The following SLC6A6 variants were observed in gnomAD, a reference collection of about 807,000 sequenced individuals.
SLC6A6 encodes the protein solute carrier family 6 member 6, also known as sodium- and chloride-dependent taurine transporter.
In SLC6A6, 16 loss-of-function variants were observed where a neutral mutation model predicts 68.8. That is an observed-to-expected ratio of 0.23 (90% CI 0.16 to 0.35). The LOEUF (loss-of-function observed/expected upper bound fraction) is 0.35, where lower values mean the gene tolerates loss of function less well. Among genes scored for constraint, SLC6A6 ranks in the 10% least tolerant of loss-of-function variants. The probability of loss-of-function intolerance (pLI) is 1.00; values close to 1 mark genes in which losing one functional copy is unlikely to be tolerated. For missense variants in SLC6A6, 474 were observed against 802.8 expected, an observed-to-expected ratio of 0.59 and a Z score of 4.95; for synonymous variants, 312 against 315.4, an observed-to-expected ratio of 0.99 and a Z score of 0.12.
At position 14,481,962 on chromosome 3, in the gene SLC6A6, C is replaced by A; in HGVS notation, c.1722+121C>A. On this transcript the variant is annotated intron_variant, in intron 14 of 14. Transcript: ENST00000622186. The surrounding 1 kb of genome is among the most constrained non-coding windows in gnomAD (Gnocchi z 4.7). The stretch of plus-strand genomic sequence containing the variant: ...CCTCTCTGAGCCATAGTTCCCTCAC[C>A]CATCCAGTGGTTCAGCTTATGGGCA... The A allele has an allele frequency of 1.3e-6, 1 of 771,266 alleles. No individual in the cohort carries two copies. Among genetic ancestry groups the A allele is most frequent in the Non-Finnish European group, 2.1e-6 (1 of 473,704 alleles). 47.8% of individuals were successfully genotyped at this position (771,266 alleles called of 1,614,324 possible). A position where few individuals can be genotyped will look rare whatever the true frequency, so the allele number is the denominator to read the frequency against.
rs193136579 is a variant in SLC6A6, at chr3:14,431,209, A to T, written c.-11-12415A>T. 1.3e-3 allele frequency among the ~76,000 whole-genome samples: 196 copies of T among 152,302 alleles called. 1 individual carries two copies. The highest frequency in any genetic ancestry group is 2.1e-3 in the Non-Finnish European group (140 of 68,024). On this transcript the variant is annotated intron_variant, in intron 2 of 14. Coordinates refer to ENST00000622186, the MANE Select transcript of SLC6A6 (RefSeq NM_003043.6). Reference sequence around the variant, plus strand: ...CCTGGTCCACCCTTCCCCACTGTCCACATACCCCAGCATCTGTCATTGCAG... The same window carrying T: ...CCTGGTCCACCCTTCCCCACTGTCCTCATACCCCAGCATCTGTCATTGCAG...
At chr3:14,462,872 G>A (rs1700527978) in intron 6 of SLC6A6, among the ~76,000 whole-genome samples, 1 of 152,102 alleles carries the variant, frequency 6.6e-6, no homozygotes, top group Admixed American at 6.5e-5. Flanking sequence ...TAGATGTGTG[G>A]GTGGATGGCT....
chr3:14,453,975 G>A (rs1189038103), intron 5 of SLC6A6, among the ~76,000 whole-genome samples: 2 of 152,202 alleles, frequency 1.3e-5, no homozygotes, highest in East Asian at 3.9e-4. Flanking sequence ...GGGGGATGAG[G>A]GTAGGGCTTG....
Position 14,467,870 on chromosome 3 carries a change from G to A in SLC6A6, c.885G>A (p.Gly295=), listed in dbSNP as rs754742935. ...CCTCATAGGTGTGGATTGACGCTGGGACTCAGATATTCTTCTCTTATGCCA... is the reference window on the plus strand; with the variant it reads ...CCTCATAGGTGTGGATTGACGCTGGAACTCAGATATTCTTCTCTTATGCCA... ...LEDPQVWIDA[G]TQIFFSYAIC... is the part of the protein sequence containing the mutation. Residue 295 remains glycine, a synonymous_variant, in exon 8 of 15, where the codon GGG becomes GGA. Coordinates refer to ENST00000622186, the MANE Select transcript of SLC6A6 (RefSeq NM_003043.6). 8.1e-6 allele frequency: 13 copies of A among 1,612,092 alleles called. No individual in the cohort carries two copies. In the South Asian group the frequency reaches 1.4e-4, roughly 18 times the overall value.
At chr3:14,405,814 G>T (rs894191042) in intron 1 of SLC6A6, among the ~76,000 whole-genome samples, 1 of 152,206 alleles carries the variant, frequency 6.6e-6, no homozygotes, top group African/African-American at 2.4e-5. Flanking sequence ...CTCTGGGCTG[G>T]CACTGGGTTC....
chr3:14,423,269 G>A (rs1287925829), intron 2 of SLC6A6, among the ~76,000 whole-genome samples: 1 of 152,220 alleles, frequency 6.6e-6, no homozygotes, highest in Admixed American at 6.5e-5. Flanking sequence ...AGGGGAGGGA[G>A]CCCTGCTGTG....
chr3:14,450,762 A>G lies in SLC6A6; in HGVS notation c.599+2946A>G, dbSNP rs573353066. On this transcript the variant is annotated intron_variant, in intron 5 of 14. Coordinates refer to ENST00000622186, the MANE Select transcript of SLC6A6 (RefSeq NM_003043.6). This position sits in a 1 kb window ranked among gnomAD's most constrained non-coding sequence, Gnocchi z 4.1. ...CTGAGCCAGGTGCCGTGGGCAAGAA[A>G]GACCCGGCCTCCTGCCTTCAAGAGC... 6.6e-6 allele frequency among the ~76,000 whole-genome samples: 1 copy of G among 152,362 alleles called. No individual in the cohort carries two copies. The highest frequency in any genetic ancestry group is 2.4e-5 in the African/African-American group (1 of 41,588).
chr3:14,413,109 G>T (rs1699286207), intron 1 of SLC6A6, among the ~76,000 whole-genome samples: 1 of 152,250 alleles, frequency 6.6e-6, no homozygotes. Flanking sequence ...ACTGTGTCCG[G>T]ACAAGGCCCA....
At chr3:14,434,989 A>G (rs4685160) in intron 2 of SLC6A6, among the ~76,000 whole-genome samples, 119,274 of 152,244 alleles carry the variant, frequency 0.78, 47,157 homozygotes, top group African/African-American at 0.89. Flanking sequence ...GCTGTCTATT[A>G]GACTCATACC....
At position 14,450,329 on chromosome 3, in the gene SLC6A6, A is replaced by G. The variant is rs1304035585; in HGVS notation, c.599+2513A>G. Reference sequence around the variant, plus strand: ...GGGACCCTTGCCTTCCAGAATCTCCATTCTGAGCACCCCAGCTCCATTTTC... The same window carrying G: ...GGGACCCTTGCCTTCCAGAATCTCCGTTCTGAGCACCCCAGCTCCATTTTC... On this transcript the variant is annotated intron_variant, in intron 5 of 14. Coordinates refer to ENST00000622186, the MANE Select transcript of SLC6A6 (RefSeq NM_003043.6). This position sits in a 1 kb window ranked among gnomAD's most constrained non-coding sequence, Gnocchi z 4.1. Among the ~76,000 whole-genome samples, 1 of 152,072 alleles carries G rather than the reference A, an allele frequency of 6.6e-6. No homozygotes were observed. Among genetic ancestry groups the G allele is most frequent in the Non-Finnish European group, 1.5e-5 (1 of 68,004 alleles).
At chr3:14,425,026 TAAG>T (rs1388506460) in intron 2 of SLC6A6, among the ~76,000 whole-genome samples, 1 of 152,142 alleles carries the variant, frequency 6.6e-6, no homozygotes, top group Non-Finnish European at 1.5e-5. Context: ...AGCTGGATGC[TAAG>T]AAGGGGCGGA....
intron 14 of SLC6A6, among the ~76,000 whole-genome samples, chr3:14,484,384 G>A (rs1417756450): frequency 2.0e-5 from 3 of 152,256 alleles, no homozygotes; most frequent in African/African-American, 7.2e-5. Context: ...AAGAAGGCAG[G>A]AAGTGTAGCT....
intron 6 of SLC6A6, among the ~76,000 whole-genome samples, chr3:14,465,944 G>A (rs1700605858): frequency 6.6e-6 from 1 of 152,188 alleles, no homozygotes; most frequent in Admixed American, 6.5e-5. Context: ...CTATTTATAG[G>A]ATGTTTTTCA....
At position 14,477,470 on chromosome 3, in the gene SLC6A6, G is replaced by A. The variant is rs1425521939; in HGVS notation, c.1347+128G>A. On this transcript the variant is annotated intron_variant, in intron 11 of 14. Coordinates refer to ENST00000622186, the MANE Select transcript of SLC6A6 (RefSeq NM_003043.6). The surrounding 1 kb of genome is among the most constrained non-coding windows in gnomAD (Gnocchi z 4.2). ...ATCTCCCAGCCCCACCCAATTCAGGGGTCCTGCTTGGACCAACACTGGGGG... is the reference window on the plus strand; with the variant it reads ...ATCTCCCAGCCCCACCCAATTCAGGAGTCCTGCTTGGACCAACACTGGGGG... 4.2e-6 allele frequency: 4 copies of A among 941,862 alleles called. No homozygotes were observed. The highest frequency in any genetic ancestry group is 4.2e-5 in the Admixed American group (2 of 47,310). The allele number at this position is 941,862 out of a possible 1,614,324, so 58.3% of individuals were successfully genotyped here.
chr3:14,407,506 TTTTC>T, intron 1 of SLC6A6, among the ~76,000 whole-genome samples: 1 of 151,402 alleles, frequency 6.6e-6, no homozygotes, highest in Non-Finnish European at 1.5e-5. Flanking sequence ...TCCGTTTTCT[TTTTC>T]TTTTTTTTTT....
chr3:14,445,603 C>T (rs1700100843), intron 3 of SLC6A6, 114 bp from the exon 4 acceptor site: 14 of 1,202,368 alleles, frequency 1.2e-5, no homozygotes, highest in Middle Eastern at 4.8e-4. Context: ...TGGCCTTGAG[C>T]CTCATGCCCC....
At chr3:14,404,180 T>G (rs909700140) in intron 1 of SLC6A6, among the ~76,000 whole-genome samples, 4 of 152,186 alleles carry the variant, frequency 2.6e-5, no homozygotes, top group African/African-American at 9.7e-5. Context: ...TAAAATTTCT[T>G]TTTAATTTTT....
intron 5 of SLC6A6, among the ~76,000 whole-genome samples, chr3:14,449,652 C>T (rs1352046729): frequency 6.6e-6 from 1 of 152,240 alleles, no homozygotes; most frequent in Non-Finnish European, 1.5e-5. Context: ...TCACCTGCAC[C>T]TGGGGAGATG....
At chr3:14,445,610 C>A in intron 3 of SLC6A6, 107 bp from the exon 4 acceptor site, 3 of 1,262,396 alleles carry the variant, frequency 2.4e-6, no homozygotes, top group Non-Finnish European at 3.4e-6. Context: ...GAGCCTCATG[C>A]CCCTCATGCA....
Sources: allele counts gnomAD v4.1 joint callset (sites outside exome capture counted in the v4.1 genomes callset), GRCh38; gene constraint gnomAD v4.1.1; non-coding constraint Gnocchi (gnomAD v3.1); transcripts MANE v1.5; gene names NCBI Gene and HGNC (gene_info 2026-07-23, HGNC 2026-07-21).